Variants in LARGE1 observed in about 807,000 individuals in gnomAD.
The protein encoded by LARGE1 is LARGE xylosyl- and glucuronyltransferase 1.
In LARGE1, 43 loss-of-function variants were observed where a neutral mutation model predicts 87.6. The ratio of observed to expected loss-of-function variants is 0.49; its 90% CI spans 0.38 to 0.63. The LOEUF is 0.63. LARGE1 is among the 30% of genes least tolerant of loss of function. The probability of loss-of-function intolerance (pLI) is 0.00; values close to 1 mark genes in which losing one functional copy is unlikely to be tolerated. For missense variants in LARGE1, 802 were observed against 1,000.2 expected (o/e 0.80, Z 2.67); for synonymous variants, 434 against 394.6 (o/e 1.10, Z -1.18).
intron 8 of LARGE1, 96 bp downstream of exon 8, chr22:33,384,096 T>C (rs1263031577): frequency 4.4e-6 from 4 of 913,066 alleles, no homozygotes; most frequent in Non-Finnish European, 7.4e-6. Context: ...ACACAATACG[T>C]AGAAAACCAT....
chr22:33,214,314 T>C (rs941747495), intron 11 of LARGE1, among the ~76,000 whole-genome samples: 1 of 152,170 alleles, frequency 6.6e-6, no homozygotes, highest in African/African-American at 2.4e-5. Flanking sequence ...TCGTCTCTTC[T>C]TCTTATAAGG....
At chr22:33,168,333 A>G (rs1160285074) in intron 11 of LARGE1, among the ~76,000 whole-genome samples, 1 of 152,172 alleles carries the variant, frequency 6.6e-6, no homozygotes, top group East Asian at 1.9e-4. Flanking sequence ...CTGTTCTAGG[A>G]GTAGCTGTAT....
At chr22:33,469,204 C>G (rs1601978845) in intron 6 of LARGE1, among the ~76,000 whole-genome samples, 2 of 152,268 alleles carry the variant, frequency 1.3e-5, no homozygotes, top group East Asian at 3.9e-4. Flanking sequence ...GGAGTAGAAA[C>G]AGTTCTATCA....
At chr22:33,748,592 G>A (rs2084190303) in intron 2 of LARGE1, among the ~76,000 whole-genome samples, 1 of 152,142 alleles carries the variant, frequency 6.6e-6, no homozygotes. Flanking sequence ...TCAATTTGCG[G>A]TAAGAGAGGT....
At chr22:33,261,437 C>A (rs988519353) in intron 11 of LARGE1, among the ~76,000 whole-genome samples, 2 of 152,138 alleles carry the variant, frequency 1.3e-5, no homozygotes, top group African/African-American at 4.8e-5. Context: ...TCTTATGCTG[C>A]CTCTACCAAA....
the LARGE1 span, among the ~76,000 whole-genome samples, chr22:33,125,663 T>A: frequency 6.6e-6 from 1 of 152,222 alleles, no homozygotes; most frequent in Non-Finnish European, 1.5e-5. Context: ...GCCAAGATGA[T>A]CTCGATCTCC....
intron 5 of LARGE1, among the ~76,000 whole-genome samples, chr22:33,575,417 C>T (rs1295485905): frequency 6.6e-6 from 1 of 152,136 alleles, no homozygotes; most frequent in African/African-American, 2.4e-5. Flanking sequence ...GACAGTGAGG[C>T]CAGGAAGGCT....
At chr22:33,646,823 G>A (rs932118788) in intron 3 of LARGE1, among the ~76,000 whole-genome samples, 4 of 152,166 alleles carry the variant, frequency 2.6e-5, no homozygotes, top group African/African-American at 9.7e-5. Flanking sequence ...CGCCTCCCAG[G>A]TTCAAACGAT....
intron 6 of LARGE1, among the ~76,000 whole-genome samples, chr22:33,484,146 T>C (rs1229600388): frequency 6.6e-6 from 1 of 152,128 alleles, no homozygotes; most frequent in Admixed American, 6.5e-5. Context: ...GGGGAAGAGT[T>C]TGATGTTCCT....
the LARGE1 span, among the ~76,000 whole-genome samples, chr22:33,151,064 T>C: frequency 6.6e-6 from 1 of 152,202 alleles, no homozygotes; most frequent in Non-Finnish European, 1.5e-5. Context: ...CTATGCTTAG[T>C]CTTCCCAAAC....
At chr22:33,378,011 G>A (rs1284191350) in intron 9 of LARGE1, among the ~76,000 whole-genome samples, 3 of 151,886 alleles carry the variant, frequency 2.0e-5, no homozygotes, top group African/African-American at 7.3e-5. Flanking sequence ...TATCTGGTAA[G>A]TCCAATATTT....
Position 33,907,804 on chromosome 22 carries a change from A to G in LARGE1, c.-83+12191T>C, listed in dbSNP as rs375822347. ...AGTAGAGACCGGGTTTCACCATGTT[A>G]GCCAGGATGGTCTCAATCTCCTGAC... On this transcript the variant is annotated intron_variant, in intron 1 of 14. Coordinates refer to ENST00000397394, the MANE Select transcript of LARGE1 (RefSeq NM_133642.5). Among the ~76,000 whole-genome samples, 35 of 152,098 alleles carry G rather than the reference A, an allele frequency of 2.3e-4. 2 individuals carry two copies. The South Asian group carries it at 2.7e-3, about 12-fold the overall frequency.
chr22:33,735,167 C>T (rs2267279), intron 2 of LARGE1, among the ~76,000 whole-genome samples: 7,213 of 152,186 alleles, frequency 0.047, 270 homozygotes, highest in East Asian at 0.21. Flanking sequence ...AAGCTTTGGC[C>T]CTTCTCAGCC....
intron 6 of LARGE1, among the ~76,000 whole-genome samples, chr22:33,443,914 GGCA>G (rs1440350736): frequency 1.3e-5 from 2 of 152,242 alleles, no homozygotes; most frequent in African/African-American, 4.8e-5. Context: ...TCCACGAGGC[GGCA>G]GAGCTGGCCT....
At chr22:33,322,078 C>G (rs1936778123) in intron 10 of LARGE1, among the ~76,000 whole-genome samples, 1 of 152,184 alleles carries the variant, frequency 6.6e-6, no homozygotes, top group African/African-American at 2.4e-5. Context: ...CTCGGCCTCC[C>G]AAAGTGCTGA....
the LARGE1 span, among the ~76,000 whole-genome samples, chr22:33,076,885 T>C: frequency 6.6e-6 from 1 of 152,200 alleles, no homozygotes; most frequent in Non-Finnish European, 1.5e-5. Context: ...GAATAGTGAA[T>C]AAATTCAGTC....
chr22:33,550,630 G>T (rs1355458723), intron 6 of LARGE1, among the ~76,000 whole-genome samples: 2 of 152,168 alleles, frequency 1.3e-5, no homozygotes, highest in Admixed American at 1.3e-4. Flanking sequence ...GAAGAAAACA[G>T]TATGGAGAGT....
intron 9 of LARGE1, among the ~76,000 whole-genome samples, chr22:33,377,599 C>G (rs781326374): frequency 1.4e-4 from 21 of 152,154 alleles, no homozygotes; most frequent in Non-Finnish European, 2.5e-4. Flanking sequence ...TCTTTGTTAT[C>G]TTATACTTGA....
the LARGE1 span, among the ~76,000 whole-genome samples, chr22:33,077,679 G>T: frequency 6.6e-6 from 1 of 152,184 alleles, no homozygotes; most frequent in Non-Finnish European, 1.5e-5. Flanking sequence ...TTAGCATGTA[G>T]ATCCTAAACA....
Sources: allele counts gnomAD v4.1 joint callset (sites outside exome capture counted in the v4.1 genomes callset), GRCh38; gene constraint gnomAD v4.1.1; transcripts MANE v1.5; gene names NCBI Gene and HGNC (gene_info 2026-07-23, HGNC 2026-07-21).